The following SETBP1 variants were observed in gnomAD, a reference collection of about 807,000 sequenced individuals.
SETBP1 encodes the protein SET binding protein 1.
In SETBP1, 9 loss-of-function variants were observed where a neutral mutation model predicts 101.0. The observed-to-expected ratio is 0.09, with a 90% CI of 0.05 to 0.16. SETBP1 has a LOEUF of 0.16. Among genes scored for constraint, SETBP1 ranks in the 10% least tolerant of loss-of-function variants. The pLI is 1.00. For synonymous variants in SETBP1, 818 were observed against 788.5 expected (o/e 1.04, Z -0.63); for missense variants, 1,858 against 2,033.8 (o/e 0.91, Z 1.66).
At chr18:44,804,827 C>T (rs866245250) in intron 2 of SETBP1, among the ~76,000 whole-genome samples, 2 of 152,194 alleles carry the variant, frequency 1.3e-5, no homozygotes, top group Admixed American at 6.5e-5. Context: ...GAGCTTGCAT[C>T]GTTTCTTACA....
chr18:44,799,497 G>A (rs1156507141), intron 2 of SETBP1, among the ~76,000 whole-genome samples: 5 of 152,194 alleles, frequency 3.3e-5, no homozygotes, highest in Admixed American at 3.3e-4. Flanking sequence ...TCTTGCGCAT[G>A]TGTGTGCTTA....
At chr18:44,855,351 A>G (rs532046411) in intron 2 of SETBP1, among the ~76,000 whole-genome samples, 6 of 152,264 alleles carry the variant, frequency 3.9e-5, no homozygotes, top group African/African-American at 1.2e-4. Context: ...TCCTAAAAAA[A>G]TAAATATTTA....
chr18:44,950,787 G>T lies in SETBP1; in HGVS notation c.1447G>T (p.Gly483Cys). The change falls in exon 4 of 6, where the codon GGT (glycine) becomes TGT (cysteine). Residue 483 changes from glycine (G) to cysteine (C), a missense_variant. Physicochemically the swap from Gly to Cys is radical, Grantham distance 159. Around this residue, in one of 12 missense-constraint regions of SETBP1, gnomAD observed 581 missense variants for 535.1 expected, o/e 1.09. Transcript: ENST00000649279. ...GTCCCCCTCAGTTGGCCTTGAAACT[G>T]GTGGAAATGCTGAGAAAGTTATCCC... ...NESPSVGLET[G>C]GNAEKVIPGG... 1.2e-6 allele frequency: 2 copies of T among 1,614,132 alleles called. No homozygotes were observed.
chr18:45,045,487 C>T (rs956255464), intron 5 of SETBP1, among the ~76,000 whole-genome samples: 43 of 151,106 alleles, frequency 2.8e-4, no homozygotes, highest in African/African-American at 1.0e-3. Context: ...GACAGCAAGC[C>T]GAACAAGGGC....
chr18:44,948,306 A>G (rs533383732), intron 3 of SETBP1, among the ~76,000 whole-genome samples: 1 of 152,322 alleles, frequency 6.6e-6, no homozygotes, highest in Admixed American at 6.5e-5. Context: ...AGAGGCAGGA[A>G]ATAACCCTAG....
intron 2 of SETBP1, among the ~76,000 whole-genome samples, chr18:44,782,813 C>T (rs928241950): frequency 1.3e-5 from 2 of 152,102 alleles, no homozygotes; most frequent in African/African-American, 2.4e-5. Flanking sequence ...GGAATAGAAA[C>T]GGGCAGAGGA....
chr18:44,931,798 C>G (rs779979207), intron 3 of SETBP1, among the ~76,000 whole-genome samples: 11 of 152,120 alleles, frequency 7.2e-5, no homozygotes, highest in Non-Finnish European at 1.5e-4. Context: ...CTTGGTAGAT[C>G]TTCCTCGATC....
intron 5 of SETBP1, among the ~76,000 whole-genome samples, chr18:45,047,393 T>C (rs2145535543): frequency 6.6e-6 from 1 of 152,298 alleles, no homozygotes; most frequent in East Asian, 1.9e-4. Context: ...AGGGCACATA[T>C]ATTTTATGAT....
intron 3 of SETBP1, among the ~76,000 whole-genome samples, chr18:44,883,575 A>G (rs2069578257): frequency 6.6e-6 from 1 of 152,234 alleles, no homozygotes; most frequent in South Asian, 2.1e-4. Context: ...ACTTATGGCC[A>G]GAGGGCCTTT....
At chr18:44,756,260 C>T (rs972828849) in intron 2 of SETBP1, among the ~76,000 whole-genome samples, 7 of 151,918 alleles carry the variant, frequency 4.6e-5, no homozygotes, top group African/African-American at 1.7e-4. Context: ...CATTATAAAG[C>T]GTTTCTCAGG....
chr18:45,036,781 G>A (rs752980217), intron 4 of SETBP1, among the ~76,000 whole-genome samples: 1 of 152,208 alleles, frequency 6.6e-6, no homozygotes, highest in African/African-American at 2.4e-5. Context: ...TTATCCAGGT[G>A]TGATACTGGG....
chr18:44,740,732 G>C (rs2144468069), intron 2 of SETBP1, among the ~76,000 whole-genome samples: 1 of 152,334 alleles, frequency 6.6e-6, no homozygotes, highest in Non-Finnish European at 1.5e-5. Context: ...TGAGTTTGTA[G>C]AGTGTAGAAT....
chr18:44,684,320 A>G (rs1176530469), intron 1 of SETBP1, among the ~76,000 whole-genome samples: 1 of 152,224 alleles, frequency 6.6e-6, no homozygotes, highest in African/African-American at 2.4e-5. Context: ...AGTGCAGGAA[A>G]GAAAACACCA....
At chr18:44,828,258 C>A (rs1272851806) in intron 2 of SETBP1, among the ~76,000 whole-genome samples, 1 of 152,080 alleles carries the variant, frequency 6.6e-6, no homozygotes, top group Non-Finnish European at 1.5e-5. Context: ...TTAGGAAGTT[C>A]CGTTATGTTG....
chr18:44,765,195 A>T (rs1214936425), intron 2 of SETBP1, among the ~76,000 whole-genome samples: 1 of 152,066 alleles, frequency 6.6e-6, no homozygotes, highest in Non-Finnish European at 1.5e-5. Context: ...ATGGGTGCTG[A>T]TATCTTGCCT....
At chr18:44,797,335 C>T (rs1270251949) in intron 2 of SETBP1, among the ~76,000 whole-genome samples, 2 of 152,162 alleles carry the variant, frequency 1.3e-5, no homozygotes, top group Admixed American at 1.3e-4. Flanking sequence ...ACATGTTTTT[C>T]TCCCATGCAT....
chr18:44,979,236 C>T (rs1186065694), intron 4 of SETBP1, among the ~76,000 whole-genome samples: 1 of 152,202 alleles, frequency 6.6e-6, no homozygotes, highest in Non-Finnish European at 1.5e-5. Context: ...TCTGAGAGGT[C>T]AACTCCAGTA....
At position 45,017,533 on chromosome 18, in the gene SETBP1, G is replaced by A. The variant is rs568065633; in HGVS notation, c.4001-20952G>A. Among the ~76,000 whole-genome samples the A allele has an allele frequency of 4.1e-4, 63 of 152,298 alleles. 1 individual carries two copies. In the South Asian group the frequency reaches 0.013, roughly 31 times the overall value. On this transcript the variant is annotated intron_variant, in intron 4 of 5. Coordinates refer to ENST00000649279, the MANE Select transcript of SETBP1 (RefSeq NM_015559.3). ...GAAGGAAGGGACCTTTGCAGGGAAG[G>A]GCAATTTTAGGGACTGGGATATGGT...
chr18:44,878,554 G>A lies in SETBP1; in HGVS notation c.540+9271G>A, dbSNP rs959953853. ...GTGCTTTATATATTTTTAGGTCTAG[G>A]AATGACTCCTGCATAGTAAATGCAA... On this transcript the variant is annotated intron_variant, in intron 3 of 5. Coordinates refer to ENST00000649279, the MANE Select transcript of SETBP1 (RefSeq NM_015559.3). Among the ~76,000 whole-genome samples, 4 of 152,226 alleles carry A rather than the reference G, an allele frequency of 2.6e-5. No homozygotes were observed. In the South Asian group the frequency reaches 6.2e-4, roughly 24 times the overall value.
Sources: gnomAD v4.1 joint callset for allele counts (sites outside exome capture counted in the v4.1 genomes callset) on GRCh38, gnomAD v4.1.1 for gene constraint, gnomAD v4.1.1 regional missense constraint, MANE v1.5 for transcripts, NCBI Gene and HGNC (gene_info 2026-07-23, HGNC 2026-07-21) for gene names.